PHF20: variants seen among roughly 807,000 people sequenced by gnomAD.
PHF20 encodes the protein PHD finger protein 20, also known as glioma-expressed antigen 2.
In PHF20, 23 loss-of-function variants were observed where a neutral mutation model predicts 113.5. The ratio of observed to expected loss-of-function variants is 0.20; its 90% CI spans 0.15 to 0.29. The LOEUF is 0.29. PHF20 is among the 10% of genes least tolerant of loss of function. The pLI is 1.00. For synonymous variants in PHF20, 434 were observed against 457.3 expected, an observed-to-expected ratio of 0.95 and a Z score of 0.65; for missense variants, 943 against 1,219.6, an observed-to-expected ratio of 0.77 and a Z score of 3.38.
intron 6 of PHF20, 21 bp from the exon 7 acceptor site, chr20:35,869,417 G>A (rs1358032720): frequency 8.0e-7 from 1 of 1,247,818 alleles, no homozygotes; most frequent in Non-Finnish European, 1.1e-6. Flanking sequence ...CTTTTTTTGT[G>A]TGGTTTTATA....
Position 35,947,607 on chromosome 20 carries a change from G to T in PHF20, c.3019G>T (p.Ala1007Ser). Reference protein sequence around the residue: ...LMDLGKVQQIALCCST With the variant: ...LMDLGKVQQISLCCST ...GGACCTGGGCAAGGTGCAGCAGATCGCCCTCTGCTGCTCAACATGAAACTG... is the reference window on the plus strand; with the variant it reads ...GGACCTGGGCAAGGTGCAGCAGATCTCCCTCTGCTGCTCAACATGAAACTG... The change falls in exon 18 of 18, where the codon GCC (alanine) becomes TCC (serine). Residue 1007 changes from alanine to serine, a missense_variant. Physicochemically the swap from Ala to Ser is moderately conservative, Grantham distance 99 (BLOSUM62 1). Coordinates refer to ENST00000374012, the MANE Select transcript of PHF20 (RefSeq NM_016436.5). 1.2e-6 allele frequency: 2 copies of T among 1,613,852 alleles called. No homozygotes were observed. Among genetic ancestry groups the T allele is most frequent in the South Asian group, 2.2e-5 (2 of 91,072 alleles).
chr20:35,777,397 C>T (rs76342162), intron 1 of PHF20, among the ~76,000 whole-genome samples: 3 of 152,208 alleles, frequency 2.0e-5, no homozygotes, highest in Non-Finnish European at 4.4e-5. Context: ...TTTTAGTCCC[C>T]TTCCCCAAGA....
chr20:35,884,946 T>C (rs947788405), intron 9 of PHF20, among the ~76,000 whole-genome samples: 4 of 152,218 alleles, frequency 2.6e-5, no homozygotes, highest in South Asian at 2.1e-4. Flanking sequence ...TTCTCCTGTC[T>C]CTGCCTCCCG....
intron 9 of PHF20, among the ~76,000 whole-genome samples, chr20:35,873,658 C>T (rs556398950): frequency 5.3e-5 from 8 of 151,504 alleles, no homozygotes; most frequent in East Asian, 1.9e-4. Context: ...TTAGTAGAGA[C>T]GGGGTTTCAC....
At chr20:35,876,346 A>C (rs912662859) in intron 9 of PHF20, among the ~76,000 whole-genome samples, 11 of 151,836 alleles carry the variant, frequency 7.2e-5, no homozygotes, top group African/African-American at 2.4e-4. Context: ...CGAGGTGGGC[A>C]GATCACTTGA....
intron 15 of PHF20, 64 bp downstream of exon 15, chr20:35,931,508 CT>C: frequency 7.8e-7 from 1 of 1,289,366 alleles, no homozygotes; most frequent in Non-Finnish European, 1.1e-6. Context: ...CTGAGTAAAT[CT>C]GAGAAATTGG....
chr20:35,939,678 G>A lies in PHF20; in HGVS notation c.2712+570G>A, dbSNP rs78616925. Among the ~76,000 whole-genome samples the A allele has an allele frequency of 3.9e-3, 597 of 152,162 alleles. 1 individual carries two copies. Among genetic ancestry groups the A allele is most frequent in the African/African-American group, 0.013 (559 of 41,496 alleles). On this transcript the variant is annotated intron_variant, in intron 16 of 17. Coordinates refer to ENST00000374012, the MANE Select transcript of PHF20 (RefSeq NM_016436.5). ...TTCTAGAACCCCCTTGTATCACCTCGTTGCCGGTGTTTTCATCTCTAACTG... is the reference window on the plus strand; with the variant it reads ...TTCTAGAACCCCCTTGTATCACCTCATTGCCGGTGTTTTCATCTCTAACTG...
At chr20:35,896,087 G>C (rs1421937315) in intron 9 of PHF20, among the ~76,000 whole-genome samples, 1 of 151,326 alleles carries the variant, frequency 6.6e-6, no homozygotes, top group African/African-American at 2.4e-5. Flanking sequence ...TGGGATGTGT[G>C]TGTGTGTGTG....
chr20:35,888,404 C>T (rs2054778993), intron 9 of PHF20, among the ~76,000 whole-genome samples: 1 of 152,132 alleles, frequency 6.6e-6, no homozygotes, highest in Non-Finnish European at 1.5e-5. Context: ...CCTGGATGCC[C>T]AGGAGAGAGC....
chr20:35,808,739 ATT>A (rs2041926436), intron 2 of PHF20, among the ~76,000 whole-genome samples: 2 of 150,794 alleles, frequency 1.3e-5, no homozygotes, highest in Non-Finnish European at 3.0e-5. Context: ...CGCCTGGCTA[ATT>A]TTTTCTATTT....
intron 17 of PHF20, among the ~76,000 whole-genome samples, chr20:35,942,092 C>G (rs2055991960): frequency 6.6e-6 from 1 of 151,940 alleles, no homozygotes; most frequent in Admixed American, 6.6e-5. Context: ...TTGAGGCCAG[C>G]CTGGGCATCA....
At chr20:35,937,719 G>A (rs2055892528) in intron 15 of PHF20, among the ~76,000 whole-genome samples, 1 of 152,150 alleles carries the variant, frequency 6.6e-6, no homozygotes. Flanking sequence ...CAGCTTCCAG[G>A]GCTAGTTCAA....
At chr20:35,933,783 T>G (rs2055811079) in intron 15 of PHF20, among the ~76,000 whole-genome samples, 1 of 152,230 alleles carries the variant, frequency 6.6e-6, no homozygotes, top group African/African-American at 2.4e-5. Flanking sequence ...TCTGCCCATC[T>G]CGGCCTCCCA....
At chr20:35,811,115 C>T (rs543615994) in intron 2 of PHF20, among the ~76,000 whole-genome samples, 2 of 151,986 alleles carry the variant, frequency 1.3e-5, no homozygotes, top group African/African-American at 2.4e-5. Context: ...GGCGTGATCT[C>T]GGCTCACTGC....
At chr20:35,799,267 C>T (rs1183464491) in intron 1 of PHF20, among the ~76,000 whole-genome samples, 1 of 119,428 alleles carries the variant, frequency 8.4e-6, no homozygotes, top group East Asian at 2.4e-4. Context: ...TGAGATCAGC[C>T]TAGGAACATA....
At chr20:35,784,912 G>A (rs1318613466) in intron 1 of PHF20, among the ~76,000 whole-genome samples, 2 of 152,064 alleles carry the variant, frequency 1.3e-5, no homozygotes, top group African/African-American at 4.8e-5. Flanking sequence ...TGAGGAAGGG[G>A]TGGTGGCACG....
Position 35,914,181 on chromosome 20 carries a change from GA to G in PHF20, c.1812del (p.Val605Ter), listed in dbSNP as rs1444014272. ...HGPESGHHKG[K>X]VKALEEDNLS... ...GCCCAGAATCTGGACACCACAAAGG[GA>G]AAGTGAAAGCATTGGGTAAGGAGGC... On this transcript the variant is annotated frameshift_variant, in exon 12 of 18. Coordinates refer to ENST00000374012, the MANE Select transcript of PHF20 (RefSeq NM_016436.5). LOFTEE classifies it high-confidence loss of function. The G allele has an allele frequency of 6.2e-7, 1 of 1,614,130 alleles. No homozygotes were observed.
chr20:35,884,241 G>A (rs1030837589), intron 9 of PHF20, among the ~76,000 whole-genome samples: 2 of 152,194 alleles, frequency 1.3e-5, no homozygotes, highest in Admixed American at 6.5e-5. Context: ...GGGATGCTGC[G>A]TTAGTCACTG....
intron 2 of PHF20, among the ~76,000 whole-genome samples, chr20:35,823,654 A>AGG (rs1568613668): frequency 6.9e-6 from 1 of 145,648 alleles, no homozygotes; most frequent in South Asian, 2.1e-4. Flanking sequence ...AAAAAAAAAA[A>AGG]GGGGTGAAGA....
Sources: gnomAD v4.1 joint callset for allele counts (sites outside exome capture counted in the v4.1 genomes callset) on GRCh38, gnomAD v4.1.1 for gene constraint, MANE v1.5 for transcripts, NCBI Gene and HGNC (gene_info 2026-07-23, HGNC 2026-07-21) for gene names.